Variants in WSCD1 observed in about 807,000 individuals in gnomAD.
The protein encoded by WSCD1 is sialate:O-sulfotransferase 1.
In WSCD1, 41 loss-of-function variants were observed where a neutral mutation model predicts 60.4. The observed-to-expected ratio is 0.68, with a 90% CI of 0.53 to 0.88. WSCD1 has a LOEUF of 0.88. WSCD1 is among the 40% of genes least tolerant of loss of function. The pLI is 0.00. For synonymous variants in WSCD1, 361 were observed against 332.5 expected (o/e 1.09, Z -0.93); for missense variants, 784 against 796.2 (o/e 0.98, Z 0.18).
Position 6,086,904 on chromosome 17 carries a change from G to T in WSCD1, c.428-1086G>T, listed in dbSNP as rs140418881. 3.6e-4 allele frequency among the ~76,000 whole-genome samples: 55 copies of T among 152,320 alleles called. 1 individual carries two copies. The East Asian group carries it at 9.9e-3, about 27-fold the overall frequency. On this transcript the variant is annotated intron_variant, in intron 2 of 8. Coordinates refer to ENST00000317744, the MANE Select transcript of WSCD1 (RefSeq NM_015253.2). ...AAAGCCGCTTGGGAGCCACTGGCAG[G>T]CTGCTGGGAGGTCCTGGGCATGTTA... is the stretch of plus-strand genomic sequence containing the variant.
upstream of WSCD1, chr17:6,070,357 C>A: frequency 1.4e-5 from 2 of 147,486 alleles, no homozygotes; most frequent in South Asian, 3.7e-4. Context: ...CCGCTGTCCC[C>A]GGGCCGCGCG....
At position 6,123,917 on chromosome 17, in the gene WSCD1, C is replaced by T. The variant is rs1261668907; in HGVS notation, c.*3256C>T. ...CCCATCTCCAGTCTCAGTTTCCCAT[C>T]CATAAAATGGGGGAAGTGGTAGGTC... On this transcript the variant is annotated 3_prime_UTR_variant, in exon 9 of 9. Transcript: ENST00000317744. The T allele has an allele frequency of 6.6e-6, 1 of 152,176 alleles. No individual in the cohort carries two copies. Among genetic ancestry groups the T allele is most frequent in the Non-Finnish European group, 1.5e-5 (1 of 68,040 alleles). 9.4% of individuals were successfully genotyped at this position (152,176 alleles called of 1,614,324 possible). A position where few individuals can be genotyped will look rare whatever the true frequency, so the allele number is the denominator to read the frequency against.
At chr17:6,089,077 CG>C in intron 3 of WSCD1, among the ~76,000 whole-genome samples, 1 of 152,336 alleles carries the variant, frequency 6.6e-6, no homozygotes, top group East Asian at 1.9e-4. Context: ...CCACCACACC[CG>C]GCCTCACCTT....
Position 6,110,929 on chromosome 17 carries a change from A to G in WSCD1, c.1168A>G (p.Asn390Asp), listed in dbSNP as rs774437388. ...CTACTACTTTGATGGAACCCTCTAC[A>G]ACAAAGGTAAGTCAAAGCTACAGGG... ...GSYYFDGTLY[N>D]KGFKGEKDHW... Residue 390 changes from asparagine to aspartate, a missense_variant, in exon 7 of 9, where the codon AAC becomes GAC. Asn to Asp is a conservative substitution (Grantham distance 23). Coordinates refer to ENST00000317744, the MANE Select transcript of WSCD1 (RefSeq NM_015253.2). This position sits in a 1 kb window ranked among gnomAD's most constrained non-coding sequence, Gnocchi z 4.8. 6.3e-7 allele frequency: 1 copy of G among 1,598,676 alleles called. No individual in the cohort carries two copies.
chr17:6,118,330 C>T lies in WSCD1; in HGVS notation c.1375+142C>T. The T allele has an allele frequency of 1.1e-6, 1 of 895,132 alleles. No individual in the cohort carries two copies. The highest frequency in any genetic ancestry group is 1.7e-6 in the Non-Finnish European group (1 of 589,704). 55.4% of individuals were successfully genotyped at this position (895,132 alleles called of 1,614,324 possible). ...AGGTAGGCACTCAAACCCCATCCTG[C>T]TAGGGACTTAGTGCTGCTGTGCCTG... is the stretch of plus-strand genomic sequence containing the variant. On this transcript the variant is annotated intron_variant, in intron 8 of 8. Transcript: ENST00000317744. This position sits in a 1 kb window ranked among gnomAD's most constrained non-coding sequence, Gnocchi z 5.8.
intron 7 of WSCD1, among the ~76,000 whole-genome samples, chr17:6,114,770 C>T (rs1015095741): frequency 2.6e-5 from 4 of 151,912 alleles, no homozygotes; most frequent in African/African-American, 9.7e-5. Context: ...GTTTGCTGCA[C>T]CTACCAACCC....
In WSCD1 at chr17:6,101,252, C is replaced by T. The variant is rs915067130; in HGVS notation, c.849+6029C>T. 6.6e-5 allele frequency among the ~76,000 whole-genome samples: 10 copies of T among 152,136 alleles called. No individual in the cohort carries two copies. Among genetic ancestry groups the T allele is most frequent in the African/African-American group, 1.7e-4 (7 of 41,430 alleles). ...ATGTGGGAATGGTTAAATTATGCCACGGCCATACAGTGGACTATAATACAA... is the reference window on the plus strand; with the variant it reads ...ATGTGGGAATGGTTAAATTATGCCATGGCCATACAGTGGACTATAATACAA... On this transcript the variant is annotated intron_variant, in intron 5 of 8. Transcript: ENST00000317744. The surrounding 1 kb of genome is among the most constrained non-coding windows in gnomAD (Gnocchi z 4.1).
intron 1 of WSCD1, among the ~76,000 whole-genome samples, chr17:6,076,997 A>G (rs1299646740): frequency 1.3e-5 from 2 of 152,000 alleles, no homozygotes; most frequent in East Asian, 3.9e-4. Flanking sequence ...GGGGGCTGCC[A>G]GCCTTGAGGA....
chr17:6,111,057 A>C, intron 7 of WSCD1, 122 bp downstream of exon 7: 4 of 1,235,478 alleles, frequency 3.2e-6, no homozygotes, highest in Non-Finnish European at 3.2e-6. Flanking sequence ...CATAAGAGTC[A>C]CCTGTGGGTG....
Position 6,070,621 on chromosome 17 carries a change from G to C in WSCD1, c.-320G>C, listed in dbSNP as rs567172578. ...CGGGGAAGGCGGGCCATGGGCGCGG[G>C]TGCGGGCGCCCCAGCCGGCCGCGAT... On this transcript the variant is annotated 5_prime_UTR_variant, in exon 1 of 9. Coordinates refer to ENST00000317744, the MANE Select transcript of WSCD1 (RefSeq NM_015253.2). 1 of 150,054 alleles carries C rather than the reference G, an allele frequency of 6.7e-6. No individual in the cohort carries two copies. The highest frequency in any genetic ancestry group is 6.6e-5 in the Admixed American group (1 of 15,116). 9.3% of individuals were successfully genotyped at this position (150,054 alleles called of 1,614,324 possible). A position where few individuals can be genotyped will look rare whatever the true frequency, so the allele number is the denominator to read the frequency against.
rs750332372 is a variant in WSCD1, at chr17:6,080,979, G to A, written c.321G>A (p.Ser107=). 109 of 1,550,756 alleles carry A rather than the reference G, an allele frequency of 7.0e-5. 1 individual carries two copies. Among genetic ancestry groups the A allele is most frequent in the Middle Eastern group, 5.0e-4 (3 of 6,010 alleles). The stretch of plus-strand genomic sequence containing the variant: ...CCCGCTGGCTCCGGAGCCGCAACTC[G>A]GAGCTGCGTCAGTTGCGTCGCCGCT... The part of the protein sequence containing the change: ...PGPRWLRSRN[S]ELRQLRRRWF... The change falls in exon 2 of 9, where the codon TCG becomes TCA. Residue 107 remains serine, a synonymous_variant. Transcript: ENST00000317744. The surrounding 1 kb of genome is among the most constrained non-coding windows in gnomAD (Gnocchi z 6.6).
chr17:6,071,466 A>C (rs1389695797), intron 1 of WSCD1, among the ~76,000 whole-genome samples: 1 of 152,190 alleles, frequency 6.6e-6, no homozygotes, highest in Non-Finnish European at 1.5e-5. Flanking sequence ...ATAGCCCTGC[A>C]CTGGGATCCA....
In WSCD1 at chr17:6,080,819, C is replaced by T; in HGVS notation, c.161C>T (p.Thr54Ile). ...CCCCGGGCACCCGGCCCCCTGCAGA[C>T]CTTGCCAGTGGCCGCCGTGGCGCTG... ...QGPRAPGPLQ[T>I]LPVAAVALGV... The change falls in exon 2 of 9, where the codon ACC (threonine) becomes ATC (isoleucine). Residue 54 changes from threonine to isoleucine, a missense_variant. Thr to Ile is a moderately conservative substitution (Grantham distance 89, BLOSUM62 -1). Transcript: ENST00000317744. The surrounding 1 kb of genome is among the most constrained non-coding windows in gnomAD (Gnocchi z 6.6). 1 of 1,609,500 alleles carries T rather than the reference C, an allele frequency of 6.2e-7. No homozygotes were observed. The highest frequency in any genetic ancestry group is 8.5e-7 in the Non-Finnish European group (1 of 1,178,674).
At chr17:6,089,914 G>GA (rs1909910605) in intron 3 of WSCD1, among the ~76,000 whole-genome samples, 1 of 152,170 alleles carries the variant, frequency 6.6e-6, no homozygotes, top group South Asian at 2.1e-4. Flanking sequence ...GCTAGAGACT[G>GA]ATTCCTAAGG....
At chr17:6,096,428 C>T (rs1387680422) in intron 5 of WSCD1, among the ~76,000 whole-genome samples, 1 of 152,096 alleles carries the variant, frequency 6.6e-6, no homozygotes, top group African/African-American at 2.4e-5. Flanking sequence ...CTGGGGACAC[C>T]TCCCTTGGAG....
intron 7 of WSCD1, among the ~76,000 whole-genome samples, chr17:6,112,528 A>G (rs1911465513): frequency 2.6e-5 from 4 of 152,248 alleles, no homozygotes; most frequent in Admixed American, 2.6e-4. Flanking sequence ...CTGTTTGCAG[A>G]TGGCATGATC....
At chr17:6,081,937 G>A (rs947033780) in intron 2 of WSCD1, 3 of 152,104 alleles carry the variant, frequency 2.0e-5, no homozygotes, top group East Asian at 3.9e-4. Flanking sequence ...CTGGGGTAGG[G>A]GCCAGCAGGC....
Position 6,088,092 on chromosome 17 carries a change from C to T in WSCD1, c.530C>T (p.Ala177Val), listed in dbSNP as rs773447795. ...ATGACTGTCTCCCACTGCCAGGATGCGTGTGCTGAGCGGTGAGTGCTGGGG... is the reference window on the plus strand; with the variant it reads ...ATGACTGTCTCCCACTGCCAGGATGTGTGTGCTGAGCGGTGAGTGCTGGGG... Reference protein sequence around the residue: ...RKMTVSHCQDACAERSYVYAG... With the variant: ...RKMTVSHCQDVCAERSYVYAG... Residue 177 changes from alanine to valine, a missense_variant, in exon 3 of 9, where the codon GCG becomes GTG. Physicochemically the swap from Ala to Val is moderately conservative, Grantham distance 64. Coordinates refer to ENST00000317744, the MANE Select transcript of WSCD1 (RefSeq NM_015253.2). 1.9e-6 allele frequency: 3 copies of T among 1,613,824 alleles called. No individual in the cohort carries two copies. Among genetic ancestry groups the T allele is most frequent in the African/African-American group, 1.3e-5 (1 of 74,924 alleles).
At position 6,110,147 on chromosome 17, in the gene WSCD1, G is replaced by A. The variant is rs1169555548; in HGVS notation, c.1009+381G>A. 6.6e-6 allele frequency among the ~76,000 whole-genome samples: 1 copy of A among 152,084 alleles called. No homozygotes were observed. The highest frequency in any genetic ancestry group is 1.5e-5 in the Non-Finnish European group (1 of 68,020). ...GGCCACTGGTGCCTCCAGGACCTGG[G>A]AACCCTCCTTGGTGTGAGCATCAGG... On this transcript the variant is annotated intron_variant, in intron 6 of 8. Transcript: ENST00000317744. The surrounding 1 kb of genome is among the most constrained non-coding windows in gnomAD (Gnocchi z 4.8).
Sources: allele counts gnomAD v4.1 joint callset (sites outside exome capture counted in the v4.1 genomes callset), GRCh38; gene constraint gnomAD v4.1.1; non-coding constraint Gnocchi (gnomAD v3.1); transcripts MANE v1.5; gene names NCBI Gene and HGNC (gene_info 2026-07-23, HGNC 2026-07-21).